Variants in ERI3 observed in about 807,000 individuals in gnomAD.
The protein encoded by ERI3 is ERI1 exoribonuclease family member 3.
In ERI3, 18 loss-of-function variants were observed where a neutral mutation model predicts 44.4. The ratio of observed to expected loss-of-function variants is 0.41; its 90% CI spans 0.28 to 0.60. ERI3 has a LOEUF of 0.60. Ranked by LOEUF, ERI3 falls within the 20% of genes least tolerant of loss-of-function variation. The pLI, the probability that ERI3 is intolerant of heterozygous loss-of-function variation, is 0.36. For missense variants in ERI3, 294 were observed against 435.5 expected, an observed-to-expected ratio of 0.68 and a Z score of 2.89; for synonymous variants, 183 against 164.8, an observed-to-expected ratio of 1.11 and a Z score of -0.84.
chr1:44,309,139 T>C (rs1376613976), intron 5 of ERI3, among the ~76,000 whole-genome samples: 1 of 152,246 alleles, frequency 6.6e-6, no homozygotes, highest in Non-Finnish European at 1.5e-5. Context: ...CTTTGATCAG[T>C]TTATTTGTGT....
At chr1:44,330,161 A>G (rs2154330271) in intron 3 of ERI3, among the ~76,000 whole-genome samples, 1 of 152,268 alleles carries the variant, frequency 6.6e-6, no homozygotes, top group South Asian at 2.1e-4. Flanking sequence ...TCAGTAATAC[A>G]TTCAAATTTC....
At chr1:44,310,284 G>A (rs1159485591) in intron 5 of ERI3, among the ~76,000 whole-genome samples, 1 of 152,198 alleles carries the variant, frequency 6.6e-6, no homozygotes, top group Non-Finnish European at 1.5e-5. Context: ...CTGACATGGT[G>A]GAACATAGTA....
At chr1:44,233,363 TCTC>T (rs755394250) in intron 8 of ERI3, among the ~76,000 whole-genome samples, 24 of 149,384 alleles carry the variant, frequency 1.6e-4, no homozygotes, top group Non-Finnish European at 2.7e-4. Context: ...GCCCCAGTCC[TCTC>T]CTCCTGTCAC....
intron 2 of ERI3, among the ~76,000 whole-genome samples, chr1:44,349,294 A>C (rs1646845699): frequency 1.3e-5 from 2 of 152,172 alleles, no homozygotes; most frequent in Admixed American, 1.3e-4. Context: ...CTGGGACTAC[A>C]GGTGTGTGCC....
At position 44,354,751 on chromosome 1, in the gene ERI3, A is replaced by G. The variant is rs550373400; in HGVS notation, c.135+141T>C. 1.6e-5 allele frequency: 20 copies of G among 1,248,408 alleles called. No homozygotes were observed. In the South Asian group the frequency reaches 6.5e-4, roughly 41 times the overall value. 77.3% of individuals were successfully genotyped at this position (1,248,408 alleles called of 1,614,324 possible). A position where few individuals can be genotyped will look rare whatever the true frequency, so the allele number is the denominator to read the frequency against. ...TGCCCCGCTCCCCCTCCGCCAGAAC[A>G]TTACTCAGTAGATTAAGTAAGCATC... is the stretch of plus-strand genomic sequence containing the variant. On this transcript the variant is annotated intron_variant, in intron 1 of 8. Coordinates refer to ENST00000372257, the MANE Select transcript of ERI3 (RefSeq NM_024066.3).
At chr1:44,314,852 A>G (rs1264383143) in intron 4 of ERI3, among the ~76,000 whole-genome samples, 1 of 152,256 alleles carries the variant, frequency 6.6e-6, no homozygotes, top group Non-Finnish European at 1.5e-5. Flanking sequence ...ACATGTTCTC[A>G]GCAGCCCCCT....
At chr1:44,291,938 G>A (rs1645515665) in intron 6 of ERI3, among the ~76,000 whole-genome samples, 1 of 151,876 alleles carries the variant, frequency 6.6e-6, no homozygotes, top group South Asian at 2.1e-4. Flanking sequence ...CAGTACCACA[G>A]CTCCACTACA....
intron 5 of ERI3, among the ~76,000 whole-genome samples, chr1:44,309,953 G>A (rs188751658): frequency 7.2e-5 from 11 of 152,016 alleles, no homozygotes; most frequent in African/African-American, 2.4e-4. Flanking sequence ...TCCAACCCTT[G>A]GCTATTCCAT....
chr1:44,349,569 C>T (rs60601316), intron 2 of ERI3, among the ~76,000 whole-genome samples: 11,368 of 152,230 alleles, frequency 0.075, 1,327 homozygotes, highest in African/African-American at 0.25. Flanking sequence ...CCACCACAAG[C>T]AGCTATCTTT....
intron 8 of ERI3, among the ~76,000 whole-genome samples, chr1:44,233,203 T>C (rs1315946881): frequency 2.0e-5 from 3 of 152,118 alleles, no homozygotes; most frequent in African/African-American, 4.8e-5. Context: ...GCACTCTCTC[T>C]CCCTTCACCC....
intron 3 of ERI3, among the ~76,000 whole-genome samples, chr1:44,320,725 C>G (rs531595380): frequency 6.6e-6 from 1 of 152,026 alleles, no homozygotes; most frequent in South Asian, 2.1e-4. Flanking sequence ...TTTATTAGCG[C>G]TTTCATAAAT....
At chr1:44,322,688 A>C (rs1223495229) in intron 3 of ERI3, 14 of 1,516,546 alleles carry the variant, frequency 9.2e-6, no homozygotes, top group Non-Finnish European at 1.2e-5. Context: ...TCTCTGAGAA[A>C]TTAGAGCAGC....
intron 1 of ERI3, chr1:44,354,081 G>A (rs1485874422): frequency 1.0e-6 from 1 of 985,294 alleles, no homozygotes; most frequent in East Asian, 1.1e-4. Context: ...TCAGAATAAA[G>A]CAGAATTTGA....
chr1:44,234,964 G>A (rs1644271166), intron 8 of ERI3, among the ~76,000 whole-genome samples: 1 of 152,114 alleles, frequency 6.6e-6, no homozygotes, highest in Admixed American at 6.5e-5. Context: ...ACTGATAACT[G>A]TATTGTGATT....
intron 2 of ERI3, 95 bp from the exon 3 acceptor site, chr1:44,339,417 C>T (rs1019706863): frequency 2.0e-5 from 26 of 1,324,978 alleles, no homozygotes; most frequent in Non-Finnish European, 2.5e-5. Flanking sequence ...CCCACTGTGG[C>T]CCTGTTCCAT....
Position 44,355,214 on chromosome 1 carries a change from T to C in ERI3, c.-188A>G. ...TCCCCACCGCCCGTTCCCGGCCGCCTGAACAGCGGCAGCCAGCACCACGAG... is the reference window on the plus strand; with the variant it reads ...TCCCCACCGCCCGTTCCCGGCCGCCCGAACAGCGGCAGCCAGCACCACGAG... On this transcript the variant is annotated 5_prime_UTR_variant, in exon 1 of 9. Coordinates refer to ENST00000372257, the MANE Select transcript of ERI3 (RefSeq NM_024066.3). The C allele has an allele frequency of 1.7e-6, 2 of 1,189,548 alleles. No individual in the cohort carries two copies. Among genetic ancestry groups the C allele is most frequent in the Non-Finnish European group, 2.1e-6 (2 of 960,996 alleles). The allele number at this position is 1,189,548 out of a possible 1,614,324, so 73.7% of individuals were successfully genotyped here.
intron 7 of ERI3, among the ~76,000 whole-genome samples, chr1:44,281,622 T>TA (rs1645288880): frequency 7.0e-6 from 1 of 143,290 alleles, no homozygotes; most frequent in Non-Finnish European, 1.5e-5. Flanking sequence ...ATATATATAA[T>TA]ATATATATTC....
intron 3 of ERI3, among the ~76,000 whole-genome samples, chr1:44,320,883 G>A (rs1382054812): frequency 6.6e-6 from 1 of 152,188 alleles, no homozygotes; most frequent in East Asian, 1.9e-4. Flanking sequence ...CTCCACTGCA[G>A]AGAGAAAGGA....
chr1:44,255,322 C>A (rs1019188516), intron 7 of ERI3, among the ~76,000 whole-genome samples: 10 of 152,172 alleles, frequency 6.6e-5, no homozygotes, highest in African/African-American at 2.4e-4. Context: ...TCTTACCTGC[C>A]TTCGCCATTT....
Sources: gnomAD v4.1 joint callset for allele counts (sites outside exome capture counted in the v4.1 genomes callset) on GRCh38, gnomAD v4.1.1 for gene constraint, MANE v1.5 for transcripts, NCBI Gene and HGNC (gene_info 2026-07-23, HGNC 2026-07-21) for gene names.